KANK1: variants seen among roughly 807,000 people sequenced by gnomAD.
KANK1 encodes KN motif and ankyrin repeat domains 1.
KANK1 carries 109 observed loss-of-function variants against 106.2 expected under a neutral mutation model. The observed-to-expected ratio is 1.03, with a 90% CI of 0.88 to 1.20. The LOEUF is 1.20. KANK1 is among the 50% of genes most tolerant of loss of function. The probability of loss-of-function intolerance (pLI) is 0.00; values close to 1 mark genes in which losing one functional copy is unlikely to be tolerated. For synonymous variants in KANK1, 873 were observed against 652.2 expected (o/e 1.34, Z -5.16); for missense variants, 2,399 against 1,710.7 (o/e 1.40, Z -7.10).
chr9:509,577 A>C (rs911173860), intron 1 of KANK1, among the ~76,000 whole-genome samples: 1 of 152,202 alleles, frequency 6.6e-6, no homozygotes, highest in East Asian at 1.9e-4. Context: ...CATATGCCTA[A>C]GGATATGCTT....
intron 1 of KANK1, among the ~76,000 whole-genome samples, chr9:655,832 C>T (rs1301125689): frequency 6.6e-6 from 1 of 152,196 alleles, no homozygotes; most frequent in South Asian, 2.1e-4. Context: ...TTTTGCTTCT[C>T]CCTACCTGCT....
intron 1 of KANK1, among the ~76,000 whole-genome samples, chr9:664,749 G>T (rs1420847481): frequency 6.6e-6 from 1 of 152,212 alleles, no homozygotes; most frequent in Non-Finnish European, 1.5e-5. Flanking sequence ...AGGAACCTCT[G>T]AAGTGTTTTC....
chr9:523,828 T>TC (rs397819869), intron 1 of KANK1, among the ~76,000 whole-genome samples: 3 of 151,314 alleles, frequency 2.0e-5, no homozygotes, highest in African/African-American at 4.9e-5. Flanking sequence ...CTTTTTTTTT[T>TC]CCATATCAAA....
At chr9:564,941 A>T (rs544727800) in intron 1 of KANK1, among the ~76,000 whole-genome samples, 1 of 152,348 alleles carries the variant, frequency 6.6e-6, no homozygotes, top group African/African-American at 2.4e-5. Context: ...CTTGGCACAG[A>T]CATGGCTGTT....
At chr9:503,665 C>T (rs1231038304), upstream of KANK1, among the ~76,000 whole-genome samples, 1 of 152,202 alleles carries the variant, frequency 6.6e-6, no homozygotes, top group African/African-American at 2.4e-5. Context: ...AATCAGTTGA[C>T]TGCAGAGCTA....
intron 2 of KANK1, among the ~76,000 whole-genome samples, chr9:471,799 C>T (rs1028869063): frequency 1.3e-5 from 2 of 152,010 alleles, no homozygotes; most frequent in Admixed American, 6.6e-5. Context: ...GAGGCTGAGG[C>T]GAGAGAATCG....
At chr9:475,769 T>A (rs554265851) in intron 3 of KANK1, among the ~76,000 whole-genome samples, 11 of 152,336 alleles carry the variant, frequency 7.2e-5, no homozygotes, top group East Asian at 5.8e-4. Flanking sequence ...CTGTAAAGAA[T>A]CTCTGTTAAC....
intron 1 of KANK1, among the ~76,000 whole-genome samples, chr9:668,260 A>G (rs1293160635): frequency 6.6e-6 from 1 of 152,114 alleles, no homozygotes; most frequent in East Asian, 1.9e-4. Context: ...AGTTTGATAC[A>G]ATGGTTTCTT....
chr9:590,903 A>G (rs745716469), intron 1 of KANK1, among the ~76,000 whole-genome samples: 1 of 151,808 alleles, frequency 6.6e-6, no homozygotes, highest in Non-Finnish European at 1.5e-5. Context: ...GGTTTAATAT[A>G]TAATACACAT....
chr9:502,912 G>T (rs2058585731), upstream of KANK1, among the ~76,000 whole-genome samples: 1 of 151,836 alleles, frequency 6.6e-6, no homozygotes, highest in Non-Finnish European at 1.5e-5. Flanking sequence ...TCTGCTCACT[G>T]CCGCCTCGAC....
intron 1 of KANK1, among the ~76,000 whole-genome samples, chr9:570,023 T>C (rs977698363): frequency 1.3e-5 from 2 of 152,212 alleles, no homozygotes; most frequent in African/African-American, 4.8e-5. Context: ...GGATTTATGT[T>C]TTTTAAAACA....
intron 3 of KANK1, among the ~76,000 whole-genome samples, chr9:489,828 T>A (rs898944082): frequency 1.3e-5 from 2 of 152,240 alleles, no homozygotes; most frequent in African/African-American, 4.8e-5. Context: ...AAATTGGCAC[T>A]TGAAATAACC....
intron 2 of KANK1, chr9:706,995 C>T (rs1341550660): frequency 5.1e-6 from 5 of 985,382 alleles, no homozygotes; most frequent in East Asian, 2.3e-4. Flanking sequence ...TACCGGTTTC[C>T]TGTTTTCATT....
At chr9:489,955 C>T (rs1415408708) in intron 3 of KANK1, among the ~76,000 whole-genome samples, 3 of 152,042 alleles carry the variant, frequency 2.0e-5, no homozygotes, top group Admixed American at 1.3e-4. Context: ...ACAGATCATC[C>T]AGAATAAATA....
intron 1 of KANK1, among the ~76,000 whole-genome samples, chr9:605,508 T>G (rs1828881090): frequency 6.6e-6 from 1 of 151,390 alleles, no homozygotes; most frequent in Non-Finnish European, 1.5e-5. Flanking sequence ...ACCAGTGAAG[T>G]CCTCCTGCTG....
chr9:678,884 A>G (rs1414505292), intron 2 of KANK1, among the ~76,000 whole-genome samples: 1 of 152,054 alleles, frequency 6.6e-6, no homozygotes, highest in East Asian at 1.9e-4. Flanking sequence ...TTCCATTCAC[A>G]TGCTCAGGGG....
chr9:637,896 G>A (rs573652544), intron 1 of KANK1, among the ~76,000 whole-genome samples: 4 of 152,112 alleles, frequency 2.6e-5, no homozygotes, highest in Non-Finnish European at 4.4e-5. Flanking sequence ...TTTTGGGGTT[G>A]GTTGATTCAG....
intron 1 of KANK1, among the ~76,000 whole-genome samples, chr9:638,183 AG>A (rs1837580345): frequency 6.6e-6 from 1 of 152,222 alleles, no homozygotes; most frequent in Non-Finnish European, 1.5e-5. Context: ...ATAGTTTCTT[AG>A]CCCATTTTCT....
intron 1 of KANK1, among the ~76,000 whole-genome samples, chr9:569,995 C>T (rs1210827231): frequency 2.6e-5 from 4 of 152,138 alleles, no homozygotes; most frequent in African/African-American, 9.7e-5. Context: ...TCATTACTTT[C>T]AACACAGTCT....
Sources: allele counts gnomAD v4.1 joint callset (sites outside exome capture counted in the v4.1 genomes callset), GRCh38; gene constraint gnomAD v4.1.1; transcripts MANE v1.5; gene names NCBI Gene and HGNC (gene_info 2026-07-23, HGNC 2026-07-21).